Variants in DOK5 observed in about 807,000 individuals in gnomAD.
The protein encoded by DOK5 is docking protein 5.
Under a neutral mutation model 43.3 loss-of-function variants are expected in DOK5, and 27 were observed. That is an observed-to-expected ratio of 0.62 (90% CI 0.46 to 0.86). DOK5 has a LOEUF of 0.86. Ranked by LOEUF, DOK5 falls within the 40% of genes least tolerant of loss-of-function variation. The pLI, the probability that DOK5 is intolerant of heterozygous loss-of-function variation, is 0.00. For synonymous variants in DOK5, 146 were observed against 140.1 expected (o/e 1.04, Z -0.30); for missense variants, 373 against 392.9 (o/e 0.95, Z 0.43).
At chr20:54,562,189 A>C (rs1051539793) in intron 2 of DOK5, among the ~76,000 whole-genome samples, 2 of 152,210 alleles carry the variant, frequency 1.3e-5, no homozygotes. Context: ...TCTCATGCAA[A>C]GTAGGTACTT....
chr20:54,624,049 GC>G (rs1987067803), intron 6 of DOK5, among the ~76,000 whole-genome samples: 1 of 152,226 alleles, frequency 6.6e-6, no homozygotes, highest in Admixed American at 6.5e-5. Context: ...AAAGAATAGA[GC>G]AAGCACAACC....
intron 1 of DOK5, among the ~76,000 whole-genome samples, chr20:54,481,058 A>G (rs1427706237): frequency 8.7e-6 from 1 of 115,288 alleles, no homozygotes; most frequent in Non-Finnish European, 1.8e-5. Context: ...TCTGTCTATC[A>G]TCTATCTATC....
At chr20:54,597,172 A>T (rs577526466) in intron 5 of DOK5, among the ~76,000 whole-genome samples, 1 of 152,308 alleles carries the variant, frequency 6.6e-6, no homozygotes, top group South Asian at 2.1e-4. Context: ...TAAGGTCAAG[A>T]GGCTATTTGA....
intron 6 of DOK5, among the ~76,000 whole-genome samples, chr20:54,618,668 G>C (rs1474849813): frequency 1.3e-5 from 2 of 152,032 alleles, no homozygotes; most frequent in Non-Finnish European, 2.9e-5. Context: ...AAATGACCTT[G>C]ATAATCAGAG....
intron 1 of DOK5, among the ~76,000 whole-genome samples, chr20:54,549,780 G>A (rs190953531): frequency 6.6e-6 from 1 of 152,226 alleles, no homozygotes; most frequent in East Asian, 1.9e-4. Context: ...ATTTTTTCTT[G>A]CAGTGGGCAT....
At chr20:54,478,701 T>C (rs1342416873) in intron 1 of DOK5, among the ~76,000 whole-genome samples, 2 of 152,220 alleles carry the variant, frequency 1.3e-5, no homozygotes, top group African/African-American at 4.8e-5. Context: ...CTATTGCTTG[T>C]TGACCTTTGA....
chr20:54,606,356 G>A (rs935381032), intron 5 of DOK5, among the ~76,000 whole-genome samples: 1 of 152,084 alleles, frequency 6.6e-6, no homozygotes, highest in Admixed American at 6.5e-5. Context: ...GGGCCACTTT[G>A]GATACAGGAA....
At chr20:54,479,067 G>A (rs1017483323) in intron 1 of DOK5, among the ~76,000 whole-genome samples, 12 of 151,644 alleles carry the variant, frequency 7.9e-5, no homozygotes, top group South Asian at 2.1e-4. Context: ...TATAATATAC[G>A]TATATTTATA....
At chr20:54,526,789 G>A (rs1052690989) in intron 1 of DOK5, among the ~76,000 whole-genome samples, 8 of 152,022 alleles carry the variant, frequency 5.3e-5, no homozygotes, top group African/African-American at 1.9e-4. Flanking sequence ...GTCTGTTTTC[G>A]AAAAGCAGTC....
chr20:54,541,766 G>T (rs1320866327), intron 1 of DOK5, among the ~76,000 whole-genome samples: 2 of 152,012 alleles, frequency 1.3e-5, no homozygotes, highest in African/African-American at 4.8e-5. Context: ...AACCCATAAG[G>T]TCTGACCGTG....
rs369920615 is a variant in DOK5 at position 54,584,725 on chromosome 20, GTA to G, written c.175-3747_175-3746del. 2.1e-3 allele frequency among the ~76,000 whole-genome samples: 315 copies of G among 148,552 alleles called. 1 individual carries two copies. The highest frequency in any genetic ancestry group is 6.8e-3 in the South Asian group (32 of 4,738). On this transcript the variant is annotated intron_variant, in intron 2 of 7. Transcript: ENST00000262593. Reference sequence around the variant, plus strand: ...CTATAATATGTACTCGTGTGTGTGTGTATATATATATACACTATAATATGTGT... The same window carrying G: ...CTATAATATGTACTCGTGTGTGTGTGTATATATATACACTATAATATGTGT...
chr20:54,608,812 C>T (rs908905873), intron 5 of DOK5, among the ~76,000 whole-genome samples: 1 of 151,980 alleles, frequency 6.6e-6, no homozygotes, highest in African/African-American at 2.4e-5. Flanking sequence ...GCTGGGATTA[C>T]AGGTGCCCCC....
chr20:54,642,553 A>AAG (rs1350823723), intron 6 of DOK5, among the ~76,000 whole-genome samples: 1 of 147,204 alleles, frequency 6.8e-6, no homozygotes, highest in African/African-American at 2.6e-5. Context: ...AAAATACAAA[A>AAG]AAAAAAAAAA....
chr20:54,599,137 C>T (rs1423261299), intron 5 of DOK5, among the ~76,000 whole-genome samples: 1 of 152,200 alleles, frequency 6.6e-6, no homozygotes, highest in Non-Finnish European at 1.5e-5. Flanking sequence ...AGAGCATACA[C>T]TTATCCTTAT....
chr20:54,539,815 T>C (rs1299288589), intron 1 of DOK5, among the ~76,000 whole-genome samples: 1 of 152,216 alleles, frequency 6.6e-6, no homozygotes, highest in African/African-American at 2.4e-5. Flanking sequence ...TGGGAAGCGA[T>C]AAATTGTTGT....
In DOK5 at chr20:54,624,551, G is replaced by A. The variant is rs78579236; in HGVS notation, c.735+14028G>A. On this transcript the variant is annotated intron_variant, in intron 6 of 7. Coordinates refer to ENST00000262593, the MANE Select transcript of DOK5 (RefSeq NM_018431.5). ...AATCGAAGCCAAAATACCAAGTCCA[G>A]TTCTCTCCTAATGCCCAAACAGGGC... 7.6e-3 allele frequency among the ~76,000 whole-genome samples: 1,151 copies of A among 152,264 alleles called. 5 individuals carry two copies. Among genetic ancestry groups the A allele is most frequent in the African/African-American group, 0.026 (1,098 of 41,554 alleles).
chr20:54,492,686 T>TTGTGTGTGTGTGTGTG (rs34741362), intron 1 of DOK5, among the ~76,000 whole-genome samples: 7 of 141,094 alleles, frequency 5.0e-5, no homozygotes, highest in Admixed American at 1.4e-4. Flanking sequence ...GAGTGTGGCT[T>TTGTGTGTGTGTGTGTG]TGTGTGTGTG....
intron 7 of DOK5, among the ~76,000 whole-genome samples, chr20:54,647,309 A>G (rs1218069239): frequency 6.6e-6 from 1 of 152,122 alleles, no homozygotes; most frequent in Non-Finnish European, 1.5e-5. Context: ...GTTCAAGACA[A>G]GCTTGGCCAA....
At chr20:54,528,794 C>G (rs1361933208) in intron 1 of DOK5, among the ~76,000 whole-genome samples, 1 of 152,056 alleles carries the variant, frequency 6.6e-6, no homozygotes, top group Non-Finnish European at 1.5e-5. Context: ...GAGCGGGAAC[C>G]CTTCCATTTT....
Sources: gnomAD v4.1 joint callset for allele counts (sites outside exome capture counted in the v4.1 genomes callset) on GRCh38, gnomAD v4.1.1 for gene constraint, MANE v1.5 for transcripts, NCBI Gene and HGNC (gene_info 2026-07-23, HGNC 2026-07-21) for gene names.